SETBP1: variants seen among roughly 807,000 people sequenced by gnomAD.
SETBP1 encodes the protein SET binding protein 1.
A neutral mutation model predicts 101.0 loss-of-function variants in SETBP1; 9 were observed. The ratio of observed to expected loss-of-function variants is 0.09; its 90% confidence interval spans 0.05 to 0.16. The LOEUF (loss-of-function observed/expected upper bound fraction) is 0.16. Among genes scored for constraint, SETBP1 ranks in the 10% least tolerant of loss-of-function variants. The pLI, the probability that SETBP1 is intolerant of heterozygous loss-of-function variation, is 1.00. For missense variants in SETBP1, 1,858 were observed against 2,033.8 expected (o/e 0.91, Z 1.66); for synonymous variants, 818 against 788.5 (o/e 1.04, Z -0.63).
intron 3 of SETBP1, among the ~76,000 whole-genome samples, chr18:44,887,561 C>A (rs191172952): frequency 2.3e-4 from 35 of 152,260 alleles, no homozygotes; most frequent in African/African-American, 8.2e-4. Context: ...AATGAGATGA[C>A]AAAACAGAGG....
intron 2 of SETBP1, among the ~76,000 whole-genome samples, chr18:44,737,740 A>G (rs1425295043): frequency 2.0e-5 from 3 of 152,228 alleles, no homozygotes; most frequent in Non-Finnish European, 2.9e-5. Flanking sequence ...GTGAGTTTCC[A>G]ATAGCTGGCT....
chr18:45,006,515 G>C (rs536420659), intron 4 of SETBP1, among the ~76,000 whole-genome samples: 4 of 152,248 alleles, frequency 2.6e-5, no homozygotes, highest in African/African-American at 9.6e-5. Context: ...ATTGAGAGAG[G>C]CTGTTCCATG....
intron 2 of SETBP1, among the ~76,000 whole-genome samples, chr18:44,744,391 GGGCC>G (rs2070174605): frequency 1.3e-5 from 2 of 152,218 alleles, no homozygotes; most frequent in Non-Finnish European, 2.9e-5. Context: ...GTACCCTGAG[GGGCC>G]CTGCCTGGGA....
intron 4 of SETBP1, among the ~76,000 whole-genome samples, chr18:44,977,614 T>A (rs2072019409): frequency 6.6e-6 from 1 of 152,262 alleles, no homozygotes. Flanking sequence ...TTCTGATTTA[T>A]TAGTAGATCG....
chr18:44,831,651 G>C lies in SETBP1; in HGVS notation c.487-37579G>C, dbSNP rs546207748. Among the ~76,000 whole-genome samples, 5 of 152,242 alleles carry C rather than the reference G, an allele frequency of 3.3e-5. No individual in the cohort carries two copies. The South Asian group carries it at 1.0e-3, about 32-fold the overall frequency. On this transcript the variant is annotated intron_variant, in intron 2 of 5. Transcript: ENST00000649279. ...AAAATAATTGTACTTATCGCCTCAG[G>C]TTATGAAGAGGAGTGAGTAAGGTAA...
chr18:44,709,472 A>G (rs2144255226), intron 2 of SETBP1, among the ~76,000 whole-genome samples: 2 of 152,320 alleles, frequency 1.3e-5, no homozygotes, highest in South Asian at 4.1e-4. Context: ...CTTAGGCAAG[A>G]CTTAACCTCT....
intron 5 of SETBP1, among the ~76,000 whole-genome samples, chr18:45,056,732 T>C (rs1010272433): frequency 6.6e-6 from 1 of 152,170 alleles, no homozygotes; most frequent in African/African-American, 2.4e-5. Flanking sequence ...GCACTAACTG[T>C]TTGGTGGCCT....
intron 4 of SETBP1, among the ~76,000 whole-genome samples, chr18:45,014,552 C>T (rs11872452): frequency 0.05 from 7,619 of 152,184 alleles, 210 homozygotes; most frequent in South Asian, 0.096. Context: ...GGCCTAGGGA[C>T]GGCTTGCTGA....
rs367716832 is a variant in SETBP1 at position 45,054,831 on chromosome 18, G to A, written c.4172-8248G>A. Among the ~76,000 whole-genome samples the A allele has an allele frequency of 2.2e-4, 34 of 152,266 alleles. No individual in the cohort carries two copies. The East Asian group carries it at 5.0e-3, about 22-fold the overall frequency. On this transcript the variant is annotated intron_variant, in intron 5 of 5. Coordinates refer to ENST00000649279, the MANE Select transcript of SETBP1 (RefSeq NM_015559.3). ...CCCGTGGGCCCATGAAATAACTGGC[G>A]TTATTTCCTTATGGTCAGAGAAGCC...
At chr18:45,033,943 A>G (rs1305482905) in intron 4 of SETBP1, among the ~76,000 whole-genome samples, 1 of 152,180 alleles carries the variant, frequency 6.6e-6, no homozygotes, top group Admixed American at 6.5e-5. Flanking sequence ...CCATCCCACA[A>G]AGATTTTTGT....
rs576869036 is a variant in SETBP1 at position 45,015,657 on chromosome 18, A to T, written c.4001-22828A>T. ...AAGTAAGAGAAGAATATTGGATTAC[A>T]CTTTATGCCTGTGCATCTACCTTTA... On this transcript the variant is annotated intron_variant, in intron 4 of 5. Coordinates refer to ENST00000649279, the MANE Select transcript of SETBP1 (RefSeq NM_015559.3). Among the ~76,000 whole-genome samples, 9 of 152,370 alleles carry T rather than the reference A, an allele frequency of 5.9e-5. No homozygotes were observed. In the South Asian group the frequency reaches 1.9e-3, roughly 32 times the overall value.
At chr18:44,859,445 G>A (rs779363706) in intron 2 of SETBP1, among the ~76,000 whole-genome samples, 2 of 152,152 alleles carry the variant, frequency 1.3e-5, no homozygotes, top group Non-Finnish European at 2.9e-5. Context: ...TTCCCAAGGG[G>A]ATCATGGATG....
At chr18:44,756,230 AAG>A (rs1599081164) in intron 2 of SETBP1, among the ~76,000 whole-genome samples, 1 of 152,020 alleles carries the variant, frequency 6.6e-6, no homozygotes, top group Admixed American at 6.6e-5. Context: ...AAAAAAAAAA[AAG>A]AAAAGTTAAA....
chr18:44,992,185 A>G (rs2072393517), intron 4 of SETBP1, among the ~76,000 whole-genome samples: 1 of 152,124 alleles, frequency 6.6e-6, no homozygotes, highest in Non-Finnish European at 1.5e-5. Flanking sequence ...TTACCATATG[A>G]CTTAAGAAAT....
At position 44,869,255 on chromosome 18, in the gene SETBP1, C is replaced by T; in HGVS notation, c.512C>T (p.Ala171Val). 5 of 1,614,064 alleles carry T rather than the reference C, an allele frequency of 3.1e-6. No homozygotes were observed. Among genetic ancestry groups the T allele is most frequent in the East Asian group, 2.2e-5 (1 of 44,886 alleles). Residue 171 changes from alanine (A) to valine (V), a missense_variant, in exon 3 of 6, where the codon GCC becomes GTC. Transcript: ENST00000649279. Reference sequence around the variant, plus strand: ...CTCCTCACAGCCAGTGACCTTGCAGCCAGTGACCTCAAAGGATTTCAGCCA... The same window carrying T: ...CTCCTCACAGCCAGTGACCTTGCAGTCAGTGACCTCAAAGGATTTCAGCCA... Reference protein sequence around the residue: ...KKLLTASDLAASDLKGFQPQA... With the variant: ...KKLLTASDLAVSDLKGFQPQA...
Position 44,951,335 on chromosome 18 carries a change from T to G in SETBP1, c.1995T>G (p.Thr665=), listed in dbSNP as rs370910099. 5.0e-6 allele frequency: 8 copies of G among 1,613,688 alleles called. No homozygotes were observed. The African/African-American group carries it at 9.3e-5, about 19-fold the overall frequency. ...LGVLDKKTIK[T]INKMKTLKRK... ...TGTTGGATAAGAAGACCATCAAAAC[T>G]ATCAATAAGATGAAGACACTCAAGA... The change falls in exon 4 of 6, where the codon ACT becomes ACG. Residue 665 remains threonine, a synonymous_variant. Coordinates refer to ENST00000649279, the MANE Select transcript of SETBP1 (RefSeq NM_015559.3). The surrounding 1 kb of genome is among the most constrained non-coding windows in gnomAD (Gnocchi z 7.8).
intron 2 of SETBP1, among the ~76,000 whole-genome samples, chr18:44,867,183 T>C (rs1161278833): frequency 6.6e-6 from 1 of 152,226 alleles, no homozygotes; most frequent in Non-Finnish European, 1.5e-5. Flanking sequence ...ATATTAAAAA[T>C]GAAAAATTAC....
intron 2 of SETBP1, among the ~76,000 whole-genome samples, chr18:44,799,739 A>G (rs1297107577): frequency 6.6e-6 from 1 of 152,186 alleles, no homozygotes; most frequent in African/African-American, 2.4e-5. Flanking sequence ...CCTTTGGTTA[A>G]GGACACAGCT....
intron 4 of SETBP1, among the ~76,000 whole-genome samples, chr18:45,034,097 C>T (rs560135760): frequency 6.6e-6 from 1 of 152,282 alleles, no homozygotes; most frequent in Admixed American, 6.5e-5. Flanking sequence ...GGAAAGTCAG[C>T]CACCACAGAC....
Sources: allele counts gnomAD v4.1 joint callset (sites outside exome capture counted in the v4.1 genomes callset), GRCh38; gene constraint gnomAD v4.1.1; non-coding constraint Gnocchi (gnomAD v3.1); transcripts MANE v1.5; gene names NCBI Gene and HGNC (gene_info 2026-07-23, HGNC 2026-07-21).